The following PIK3C2G variants were observed in gnomAD, a reference collection of about 807,000 sequenced individuals.
The protein encoded by PIK3C2G is phosphatidylinositol 3-kinase C2 domain-containing subunit gamma.
In PIK3C2G, 168 loss-of-function variants were observed where a neutral mutation model predicts 181.1. The observed-to-expected ratio is 0.93, with a 90% CI of 0.82 to 1.05. The LOEUF is 1.05. PIK3C2G is among the 50% of genes least tolerant of loss of function. The pLI, the probability that PIK3C2G is intolerant of heterozygous loss-of-function variation, is 0.00. For synonymous variants in PIK3C2G, 573 were observed against 592.2 expected (o/e 0.97, Z 0.47); for missense variants, 1,869 against 1,732.8 (o/e 1.08, Z -1.40).
chr12:18,333,280 C>T (rs1371387205), intron 8 of PIK3C2G, among the ~76,000 whole-genome samples: 1 of 152,022 alleles, frequency 6.6e-6, no homozygotes, highest in Non-Finnish European at 1.5e-5. Context: ...TCTATATTTT[C>T]ATTTGTTTGT....
chr12:18,642,741 T>C (rs1949905039), intron 32 of PIK3C2G, among the ~76,000 whole-genome samples: 1 of 152,004 alleles, frequency 6.6e-6, no homozygotes, highest in Admixed American at 6.6e-5. Flanking sequence ...TAGTTACCTC[T>C]AAAATGATGT....
At chr12:18,554,555 A>C (rs936498655) in intron 26 of PIK3C2G, among the ~76,000 whole-genome samples, 1 of 152,092 alleles carries the variant, frequency 6.6e-6, no homozygotes, top group Admixed American at 6.6e-5. Context: ...ATTTTTAAGA[A>C]TAAAAGTGCA....
chr12:18,457,972 T>G (rs562334077), intron 18 of PIK3C2G, among the ~76,000 whole-genome samples: 12 of 152,290 alleles, frequency 7.9e-5, no homozygotes, highest in African/African-American at 2.9e-4. Flanking sequence ...TTTTATAACC[T>G]TCTTTCTTTA....
At chr12:18,268,567 A>G (rs1286248622) in intron 1 of PIK3C2G, among the ~76,000 whole-genome samples, 1 of 152,094 alleles carries the variant, frequency 6.6e-6, no homozygotes, top group Non-Finnish European at 1.5e-5. Context: ...ATACTAATTC[A>G]TTTAACTCTT....
At chr12:18,484,258 C>T (rs750171496) in intron 18 of PIK3C2G, among the ~76,000 whole-genome samples, 7 of 152,148 alleles carry the variant, frequency 4.6e-5, no homozygotes, top group Non-Finnish European at 8.8e-5. Context: ...AAATCTACCA[C>T]ACAGTGTGGG....
At chr12:18,577,970 A>G (rs934167763) in intron 29 of PIK3C2G, among the ~76,000 whole-genome samples, 8 of 152,208 alleles carry the variant, frequency 5.3e-5, no homozygotes, top group Non-Finnish European at 1.2e-4. Flanking sequence ...TTGATTGCCT[A>G]CATTTTATAC....
intron 6 of PIK3C2G, among the ~76,000 whole-genome samples, chr12:18,319,321 T>C (rs1318902648): frequency 6.6e-6 from 1 of 152,162 alleles, no homozygotes; most frequent in Admixed American, 6.5e-5. Flanking sequence ...CAATAGATTT[T>C]TGTATGAGAA....
At chr12:18,712,099 T>C in the PIK3C2G span, among the ~76,000 whole-genome samples, 1 of 152,160 alleles carries the variant, frequency 6.6e-6, no homozygotes. Flanking sequence ...TACACAGTTT[T>C]AGTACGTAGT....
intron 5 of PIK3C2G, among the ~76,000 whole-genome samples, chr12:18,310,817 C>T (rs532986305): frequency 2.0e-5 from 3 of 151,874 alleles, no homozygotes; most frequent in East Asian, 1.9e-4. Flanking sequence ...TAGCAGAAGG[C>T]ATTACTATAA....
Position 18,563,430 on chromosome 12 carries a change from A to G in PIK3C2G, c.3834A>G (p.Lys1278=). 6.2e-7 allele frequency: 1 copy of G among 1,613,744 alleles called. No homozygotes were observed. Among genetic ancestry groups the G allele is most frequent in the East Asian group, 2.2e-5 (1 of 44,850 alleles). ...HSNNETSLTE[K]SFEQFSKLHS... ...ACAACGAAACAAGCCTGACAGAAAA[A>G]TCATTTGAGCAGTTTTCAAAACTTC... Residue 1278 remains lysine (K), a synonymous_variant, in exon 28 of 33, where the codon AAA becomes AAG. Coordinates refer to ENST00000538779, the MANE Select transcript of PIK3C2G (RefSeq NM_001288772.2).
intron 25 of PIK3C2G, among the ~76,000 whole-genome samples, chr12:18,543,038 C>A (rs1944244878): frequency 6.6e-6 from 1 of 151,968 alleles, no homozygotes; most frequent in Admixed American, 6.6e-5. Context: ...TTCTCTGCAA[C>A]CTTGCCAGCA....
At chr12:18,513,827 G>A (rs527467113) in intron 24 of PIK3C2G, among the ~76,000 whole-genome samples, 1 of 151,410 alleles carries the variant, frequency 6.6e-6, no homozygotes, top group South Asian at 2.1e-4. Context: ...TTTTTCTGTT[G>A]TTTTTTAGTG....
At chr12:18,467,092 T>C (rs1431635511) in intron 18 of PIK3C2G, among the ~76,000 whole-genome samples, 1 of 152,038 alleles carries the variant, frequency 6.6e-6, no homozygotes, top group Non-Finnish European at 1.5e-5. Flanking sequence ...CTATTGTCAT[T>C]CATAGTGTAT....
At chr12:18,499,760 C>T (rs1374125734) in intron 22 of PIK3C2G, among the ~76,000 whole-genome samples, 5 of 152,148 alleles carry the variant, frequency 3.3e-5, no homozygotes, top group African/African-American at 9.7e-5. Context: ...TGAAAGACAC[C>T]GCCTCATACA....
At chr12:18,700,016 T>C in the PIK3C2G span, 1 of 1,322,288 alleles carries the variant, frequency 7.6e-7, no homozygotes, top group East Asian at 2.4e-5. Flanking sequence ...TTTTTTCTAG[T>C]AAAGAAAATA....
intron 18 of PIK3C2G, among the ~76,000 whole-genome samples, chr12:18,481,660 C>A (rs1376261104): frequency 1.3e-5 from 2 of 151,912 alleles, no homozygotes; most frequent in African/African-American, 4.8e-5. Flanking sequence ...TTTTTAAATA[C>A]AATTCATTGC....
chr12:18,716,714 T>A, the PIK3C2G span, among the ~76,000 whole-genome samples: 1 of 152,218 alleles, frequency 6.6e-6, no homozygotes, highest in Non-Finnish European at 1.5e-5. Flanking sequence ...ATTTCATCTA[T>A]TTATCTTTAA....
upstream of PIK3C2G, among the ~76,000 whole-genome samples, chr12:18,258,170 C>A (rs1312932110): frequency 6.6e-6 from 1 of 152,080 alleles, no homozygotes; most frequent in Non-Finnish European, 1.5e-5. Flanking sequence ...ATTGTTCAAT[C>A]TACTCTTTTA....
chr12:18,254,884 T>A (rs1406040485), intron 1 of PIK3C2G, among the ~76,000 whole-genome samples: 2 of 151,502 alleles, frequency 1.3e-5, no homozygotes, highest in Non-Finnish European at 1.5e-5. Flanking sequence ...TTTCTTAATT[T>A]AAAAAATTTA....
Sources: gnomAD v4.1 joint callset for allele counts (sites outside exome capture counted in the v4.1 genomes callset) on GRCh38, gnomAD v4.1.1 for gene constraint, MANE v1.5 for transcripts, NCBI Gene and HGNC (gene_info 2026-07-23, HGNC 2026-07-21) for gene names.